The following TANC2 variants were observed in gnomAD, a reference collection of about 807,000 sequenced individuals.
The protein encoded by TANC2 is protein TANC2.
Under a neutral mutation model 210.5 loss-of-function variants are expected in TANC2, and 26 were observed. That is an observed-to-expected ratio of 0.12 (90% CI 0.09 to 0.17). The LOEUF (loss-of-function observed/expected upper bound fraction) is 0.17, where lower values mean the gene tolerates loss of function less well. Ranked by LOEUF, TANC2 falls within the 10% of genes least tolerant of loss-of-function variation. TANC2 has a pLI of 1.00. For missense variants in TANC2, 2,129 were observed against 2,608.9 expected, an observed-to-expected ratio of 0.82 and a Z score of 4.01; for synonymous variants, 931 against 967.1, an observed-to-expected ratio of 0.96 and a Z score of 0.69.
chr17:63,309,404 G>A (rs530853777), intron 9 of TANC2, among the ~76,000 whole-genome samples: 11 of 151,036 alleles, frequency 7.3e-5, no homozygotes, highest in Non-Finnish European at 1.5e-4. Context: ...TTTTCTAATG[G>A]TAGATATAGT....
At chr17:63,313,092 G>A (rs1160259035) in intron 9 of TANC2, among the ~76,000 whole-genome samples, 3 of 152,096 alleles carry the variant, frequency 2.0e-5, no homozygotes, top group Admixed American at 6.6e-5. Context: ...CTAGAGTAAC[G>A]TATGAAGTAT....
At chr17:62,999,945 G>A (rs1193629564) in intron 1 of TANC2, among the ~76,000 whole-genome samples, 3 of 152,202 alleles carry the variant, frequency 2.0e-5, no homozygotes, top group African/African-American at 7.2e-5. Flanking sequence ...CATGGACAGA[G>A]GAGCTGGAGG....
At chr17:63,060,608 G>A (rs112470647) in intron 2 of TANC2, among the ~76,000 whole-genome samples, 4,789 of 135,292 alleles carry the variant, frequency 0.035, 247 homozygotes, top group African/African-American at 0.13. Context: ...AGATAAGAGC[G>A]AAACTCTGTC....
chr17:63,366,058 T>A (rs964750590), intron 14 of TANC2, among the ~76,000 whole-genome samples: 15 of 151,360 alleles, frequency 9.9e-5, no homozygotes, highest in African/African-American at 3.6e-4. Flanking sequence ...GCACGGTAAA[T>A]TTTTTTTTGA....
chr17:63,403,735 G>T (rs1488793105), intron 19 of TANC2, among the ~76,000 whole-genome samples: 1 of 152,072 alleles, frequency 6.6e-6, no homozygotes, highest in African/African-American at 2.4e-5. Context: ...AGATAGAACT[G>T]GTTTAAGAGT....
intron 17 of TANC2, chr17:63,393,233 A>G (rs2048036928): frequency 1.3e-5 from 2 of 152,192 alleles, no homozygotes. Context: ...GATTGAGTGT[A>G]TATATTTTTG....
At chr17:62,970,983 A>G (rs2031659559) in intron 1 of TANC2, among the ~76,000 whole-genome samples, 2 of 152,114 alleles carry the variant, frequency 1.3e-5, no homozygotes, top group Non-Finnish European at 2.9e-5. Flanking sequence ...GAGACTCAGC[A>G]TTGTTATATT....
At chr17:63,260,195 T>A (rs533725194) in intron 8 of TANC2, among the ~76,000 whole-genome samples, 2 of 152,374 alleles carry the variant, frequency 1.3e-5, no homozygotes, top group East Asian at 3.9e-4. Context: ...TGGGCTGCTG[T>A]ACTGCCAGTG....
intron 12 of TANC2, among the ~76,000 whole-genome samples, chr17:63,342,256 A>G (rs985254449): frequency 2.6e-5 from 4 of 151,946 alleles, no homozygotes; most frequent in Non-Finnish European, 5.9e-5. Flanking sequence ...AATATTTACC[A>G]TATGCCAGAT....
At chr17:63,012,705 G>A (rs912080124) in intron 2 of TANC2, among the ~76,000 whole-genome samples, 2 of 152,156 alleles carry the variant, frequency 1.3e-5, no homozygotes, top group Admixed American at 6.5e-5. Flanking sequence ...AGGCTACAAT[G>A]CAGTGGCACT....
chr17:63,247,944 A>G (rs1286343709), intron 8 of TANC2, among the ~76,000 whole-genome samples: 2 of 152,088 alleles, frequency 1.3e-5, no homozygotes, highest in African/African-American at 2.4e-5. Context: ...AGAGGCAGAA[A>G]AGGAAGCTAT....
chr17:63,135,785 G>A (rs1237051276), intron 4 of TANC2, among the ~76,000 whole-genome samples: 5 of 152,006 alleles, frequency 3.3e-5, no homozygotes, highest in East Asian at 1.9e-4. Flanking sequence ...CAGTAATCAC[G>A]TATTAGCCAA....
intron 9 of TANC2, among the ~76,000 whole-genome samples, chr17:63,312,635 G>A (rs1471708855): frequency 2.0e-5 from 3 of 152,098 alleles, no homozygotes; most frequent in South Asian, 4.1e-4. Context: ...TAGTACCTGA[G>A]GGACAGAATC....
chr17:63,419,737 G>A (rs942230618), intron 27 of TANC2, among the ~76,000 whole-genome samples: 7 of 152,132 alleles, frequency 4.6e-5, no homozygotes, highest in Non-Finnish European at 4.4e-5. Context: ...GGGCCTGGCT[G>A]GACTGACAAA....
chr17:63,023,675 G>A (rs997300853), intron 2 of TANC2, among the ~76,000 whole-genome samples: 3 of 152,122 alleles, frequency 2.0e-5, no homozygotes, highest in African/African-American at 4.8e-5. Flanking sequence ...AACCTGTTTT[G>A]ATTTCACAGG....
chr17:63,096,332 A>G (rs78512417), intron 3 of TANC2, among the ~76,000 whole-genome samples: 4,476 of 152,244 alleles, frequency 0.029, 81 homozygotes, highest in South Asian at 0.037. Flanking sequence ...GTTAATCCTA[A>G]TAAAATTCCT....
chr17:63,392,753 C>T (rs993660572), intron 17 of TANC2, among the ~76,000 whole-genome samples: 12 of 152,130 alleles, frequency 7.9e-5, no homozygotes, highest in African/African-American at 2.7e-4. Flanking sequence ...CTAATTTGAT[C>T]ATTACACATT....
At chr17:63,378,054 A>G (rs1658637735) in intron 14 of TANC2, among the ~76,000 whole-genome samples, 1 of 152,178 alleles carries the variant, frequency 6.6e-6, no homozygotes, top group Admixed American at 6.5e-5. Context: ...GGGGGTTACA[A>G]TTCAAGGTGA....
At position 63,214,689 on chromosome 17, in the gene TANC2, C is replaced by G. The variant is rs56220124; in HGVS notation, c.769+13732C>G. Among the ~76,000 whole-genome samples, 589 of 152,286 alleles carry G rather than the reference C, an allele frequency of 3.9e-3. 7 individuals carry two copies. The highest frequency in any genetic ancestry group is 0.013 in the African/African-American group (559 of 41,550). On this transcript the variant is annotated intron_variant, in intron 7 of 27. Transcript: ENST00000689528. ...AGGTACTAATCCCATTTGTGAGGAC[C>G]TAATCAACCCCCAAAGGCCAGAACC...
Sources: allele counts gnomAD v4.1 joint callset (sites outside exome capture counted in the v4.1 genomes callset), GRCh38; gene constraint gnomAD v4.1.1; transcripts MANE v1.5; gene names NCBI Gene and HGNC (gene_info 2026-07-23, HGNC 2026-07-21).